PRIM2: variants seen among roughly 807,000 people sequenced by gnomAD.
The protein encoded by PRIM2 is DNA primase subunit 2, also known as DNA primase large subunit.
In PRIM2, 39 loss-of-function variants were observed where a neutral mutation model predicts 67.3. The ratio of observed to expected loss-of-function variants is 0.58; its 90% confidence interval spans 0.45 to 0.76. The LOEUF (loss-of-function observed/expected upper bound fraction) is 0.76, where lower values mean the gene tolerates loss of function less well. PRIM2 is among the 30% of genes least tolerant of loss of function. PRIM2 has a pLI of 0.00. For synonymous variants in PRIM2, 143 were observed against 198.7 expected, an observed-to-expected ratio of 0.72 and a Z score of 2.36; for missense variants, 398 against 598.7, an observed-to-expected ratio of 0.66 and a Z score of 3.50.
At chr6:57,334,393 A>G (rs886254281) in intron 5 of PRIM2, among the ~76,000 whole-genome samples, 12 of 152,214 alleles carry the variant, frequency 7.9e-5, no homozygotes, top group African/African-American at 2.4e-4. Context: ...TGTCTTCAGC[A>G]TACTGATTTC....
At chr6:57,361,598 C>T (rs1393927025) in intron 5 of PRIM2, among the ~76,000 whole-genome samples, 2 of 149,574 alleles carry the variant, frequency 1.3e-5, no homozygotes, top group Admixed American at 1.3e-4. Context: ...GATTAATGAA[C>T]AATTGATAAA....
intron 8 of PRIM2, among the ~76,000 whole-genome samples, chr6:57,517,149 T>A (rs1375699390): frequency 6.6e-6 from 1 of 152,222 alleles, no homozygotes; most frequent in African/African-American, 2.4e-5. Context: ...TATGCTTTTT[T>A]AATACTTTTA....
At chr6:57,328,764 CATT>C (rs1313667441) in intron 5 of PRIM2, among the ~76,000 whole-genome samples, 3 of 152,158 alleles carry the variant, frequency 2.0e-5, no homozygotes, top group Non-Finnish European at 4.4e-5. Context: ...GTGGCTGTAT[CATT>C]ATATATCTTA....
upstream of PRIM2, among the ~76,000 whole-genome samples, chr6:57,310,477 A>ATC (rs1343606126): frequency 6.6e-6 from 1 of 152,220 alleles, no homozygotes; most frequent in East Asian, 1.9e-4. Context: ...TAACAATCTG[A>ATC]TCTCTCTTTC....
intron 10 of PRIM2, among the ~76,000 whole-genome samples, chr6:57,546,127 G>A (rs1280470167): frequency 6.6e-6 from 1 of 152,194 alleles, no homozygotes; most frequent in Non-Finnish European, 1.5e-5. Flanking sequence ...AATGTTGGAT[G>A]CTATGCAGGT....
intron 7 of PRIM2, among the ~76,000 whole-genome samples, chr6:57,482,298 G>C (rs1773648337): frequency 6.6e-6 from 1 of 152,042 alleles, no homozygotes; most frequent in Non-Finnish European, 1.5e-5. Flanking sequence ...AAAGGTTATG[G>C]CTAGAATTAT....
At chr6:57,376,977 A>G (rs1312863910) in intron 5 of PRIM2, among the ~76,000 whole-genome samples, 1 of 152,076 alleles carries the variant, frequency 6.6e-6, no homozygotes, top group African/African-American at 2.4e-5. Flanking sequence ...TCCAGGTTCA[A>G]GCAATTCTTC....
chr6:57,275,480 C>G, the PRIM2 span, among the ~76,000 whole-genome samples: 2 of 151,408 alleles, frequency 1.3e-5, no homozygotes, highest in African/African-American at 4.8e-5. Context: ...CAGAGTGAGA[C>G]TCTGTTTCAA....
the PRIM2 span, among the ~76,000 whole-genome samples, chr6:57,305,860 A>T: frequency 6.6e-6 from 1 of 152,198 alleles, no homozygotes; most frequent in Non-Finnish European, 1.5e-5. Flanking sequence ...TAATCTTCAG[A>T]TGCTCTAAGC....
intron 12 of PRIM2, among the ~76,000 whole-genome samples, chr6:57,615,420 CA>C (rs1159988256): frequency 0.049 from 5,217 of 107,284 alleles, 165 homozygotes; most frequent in African/African-American, 0.13. Context: ...GATTCTGTCT[CA>C]AAAAAAAAAA....
the PRIM2 span, among the ~76,000 whole-genome samples, chr6:57,276,209 G>T: frequency 2.6e-5 from 4 of 152,076 alleles, no homozygotes; most frequent in Non-Finnish European, 5.9e-5. Flanking sequence ...GGCCAACATA[G>T]TGAAACCCAG....
chr6:57,364,021 T>G (rs911694111), intron 5 of PRIM2, among the ~76,000 whole-genome samples: 1 of 152,162 alleles, frequency 6.6e-6, no homozygotes, highest in Non-Finnish European at 1.5e-5. Flanking sequence ...ATATTCTGTT[T>G]TGTCTGTTCT....
At chr6:57,312,325 G>GC (rs1404839157), upstream of PRIM2, among the ~76,000 whole-genome samples, 13 of 151,932 alleles carry the variant, frequency 8.6e-5, no homozygotes. Context: ...ACATAGTGCA[G>GC]CCCCATCTCT....
Position 57,382,016 on chromosome 6 carries a change from T to G in PRIM2, c.556-15T>G. On this transcript the variant is annotated splice_polypyrimidine_tract_variant and intron_variant, in intron 6 of 13. Coordinates refer to ENST00000615550, the MANE Select transcript of PRIM2 (RefSeq NM_000947.5). Reference sequence around the variant, plus strand: ...CAGGTGCTGACTTATTTTGCCTGTTTTACTCTTAATTCAGATCCCTTTTGC... The same window carrying G: ...CAGGTGCTGACTTATTTTGCCTGTTGTACTCTTAATTCAGATCCCTTTTGC... 6.3e-7 allele frequency: 1 copy of G among 1,599,994 alleles called. No homozygotes were observed. The highest frequency in any genetic ancestry group is 8.5e-7 in the Non-Finnish European group (1 of 1,171,722).
chr6:57,543,186 G>A lies in PRIM2; in HGVS notation c.1020+5561G>A, dbSNP rs1385510702. Among the ~76,000 whole-genome samples, 9 of 151,632 alleles carry A rather than the reference G, an allele frequency of 5.9e-5. No homozygotes were observed. The South Asian group carries it at 8.3e-4, about 14-fold the overall frequency. ...GATCTCCTGACCTCGTGATCCGCCC[G>A]CCTCGGCCTCCCAAAGTGCTGGGAT... On this transcript the variant is annotated intron_variant, in intron 10 of 13. Coordinates refer to ENST00000615550, the MANE Select transcript of PRIM2 (RefSeq NM_000947.5).
chr6:57,492,554 A>T (rs1554346076), intron 7 of PRIM2, among the ~76,000 whole-genome samples: 2 of 150,390 alleles, frequency 1.3e-5, no homozygotes, highest in African/African-American at 2.4e-5. Context: ...AAAAAAAAAA[A>T]TAAATAAATA....
At chr6:57,420,136 G>T (rs1771418613) in intron 7 of PRIM2, among the ~76,000 whole-genome samples, 1 of 152,154 alleles carries the variant, frequency 6.6e-6, no homozygotes, top group Non-Finnish European at 1.5e-5. Context: ...AGCAGTGATG[G>T]CCATTTTCTA....
intron 7 of PRIM2, among the ~76,000 whole-genome samples, chr6:57,456,377 G>A (rs960215622): frequency 1.3e-5 from 2 of 152,308 alleles, no homozygotes; most frequent in South Asian, 4.1e-4. Flanking sequence ...ATCCTGCAGA[G>A]TGTTTTCCAA....
At chr6:57,322,007 G>A (rs557400431) in intron 3 of PRIM2, among the ~76,000 whole-genome samples, 2 of 152,250 alleles carry the variant, frequency 1.3e-5, no homozygotes, top group South Asian at 4.1e-4. Flanking sequence ...CAGCTGGATG[G>A]GCCCTTATAG....
Sources: gnomAD v4.1 joint callset for allele counts (sites outside exome capture counted in the v4.1 genomes callset) on GRCh38, gnomAD v4.1.1 for gene constraint, MANE v1.5 for transcripts, NCBI Gene and HGNC (gene_info 2026-07-23, HGNC 2026-07-21) for gene names.